Variants in RIT2 observed in about 807,000 individuals in gnomAD.
RIT2 encodes Ras like without CAAX 2, also known as GTP-binding protein Rit2.
RIT2 carries 24 observed loss-of-function variants against 23.7 expected under a neutral mutation model. That is an observed-to-expected ratio of 1.01 (90% CI 0.73 to 1.43). The LOEUF is 1.43. Among genes scored for constraint, RIT2 ranks in the 40% most tolerant of loss-of-function variants. RIT2 has a pLI of 0.00. For synonymous variants in RIT2, 107 were observed against 91.1 expected (o/e 1.17, Z -0.99); for missense variants, 236 against 266.9 (o/e 0.88, Z 0.81).
At chr18:42,932,700 T>C (rs1230385033) in intron 3 of RIT2, among the ~76,000 whole-genome samples, 1 of 152,060 alleles carries the variant, frequency 6.6e-6, no homozygotes, top group East Asian at 1.9e-4. Flanking sequence ...CCCAGAAAGG[T>C]AGTGATGATA....
At chr18:42,973,306 CTTTT>C (rs903045478) in intron 3 of RIT2, among the ~76,000 whole-genome samples, 2 of 151,624 alleles carry the variant, frequency 1.3e-5, no homozygotes, top group Non-Finnish European at 3.0e-5. Context: ...TTTATGCTTT[CTTTT>C]TTGTCTTATA....
At chr18:42,758,596 C>T (rs1029012478) in intron 4 of RIT2, among the ~76,000 whole-genome samples, 16 of 151,872 alleles carry the variant, frequency 1.1e-4, no homozygotes, top group African/African-American at 3.6e-4. Context: ...TCACTGCTAC[C>T]TCTGCCTCCC....
intron 3 of RIT2, among the ~76,000 whole-genome samples, chr18:42,956,979 A>G (rs141920523): frequency 1.3e-5 from 2 of 152,294 alleles, no homozygotes; most frequent in East Asian, 3.9e-4. Context: ...TTTACTGATA[A>G]TTCAGGCAAA....
intron 1 of RIT2, among the ~76,000 whole-genome samples, chr18:43,063,258 A>G (rs1912693623): frequency 6.6e-6 from 1 of 152,122 alleles, no homozygotes; most frequent in South Asian, 2.1e-4. Flanking sequence ...AACAAGATTC[A>G]CCATACCTGT....
intron 1 of RIT2, among the ~76,000 whole-genome samples, chr18:43,097,864 C>G (rs971856778): frequency 6.6e-6 from 1 of 151,850 alleles, no homozygotes; most frequent in African/African-American, 2.4e-5. Flanking sequence ...GGAAGACCAT[C>G]CATCACTTTC....
At chr18:43,064,324 G>T (rs1568071552) in intron 1 of RIT2, among the ~76,000 whole-genome samples, 2 of 152,152 alleles carry the variant, frequency 1.3e-5, no homozygotes, top group Non-Finnish European at 2.9e-5. Context: ...TTAGAGTAAT[G>T]CATAGCCTTT....
chr18:42,810,719 G>A lies in RIT2; in HGVS notation c.427-66999C>T, dbSNP rs548778225. ...GAAATTTTCTTGGCTTTCTTCAAGAGGAGAATAGGTGCTAAATTTCAGAGT... is the reference window on the plus strand; with the variant it reads ...GAAATTTTCTTGGCTTTCTTCAAGAAGAGAATAGGTGCTAAATTTCAGAGT... On this transcript the variant is annotated intron_variant, in intron 4 of 4. Coordinates refer to ENST00000326695, the MANE Select transcript of RIT2 (RefSeq NM_002930.4). Among the ~76,000 whole-genome samples the A allele has an allele frequency of 2.2e-4, 33 of 152,046 alleles. 1 individual carries two copies. In the South Asian group the frequency reaches 6.6e-3, roughly 31 times the overall value.
chr18:42,883,543 C>T (rs2144082790), intron 4 of RIT2, among the ~76,000 whole-genome samples: 1 of 152,080 alleles, frequency 6.6e-6, no homozygotes, highest in African/African-American at 2.4e-5. Flanking sequence ...TTTCAGATTT[C>T]CTTTTGCTTC....
chr18:43,040,735 C>A (rs1038965193), intron 1 of RIT2, among the ~76,000 whole-genome samples: 16 of 151,912 alleles, frequency 1.1e-4, no homozygotes, highest in Admixed American at 9.8e-4. Context: ...GAACACATAG[C>A]AGGCTTCAGC....
intron 4 of RIT2, among the ~76,000 whole-genome samples, chr18:42,830,176 A>C (rs776835550): frequency 1.3e-5 from 2 of 152,174 alleles, no homozygotes; most frequent in Non-Finnish European, 2.9e-5. Context: ...TACACACTGA[A>C]CTATCACTTC....
chr18:43,035,480 T>C (rs992090295), intron 1 of RIT2, among the ~76,000 whole-genome samples: 2 of 152,164 alleles, frequency 1.3e-5, no homozygotes, highest in East Asian at 1.9e-4. Context: ...AGTTAGTTCC[T>C]GAACTTCAGT....
chr18:42,789,398 T>A (rs935788108), intron 4 of RIT2, among the ~76,000 whole-genome samples: 1 of 152,224 alleles, frequency 6.6e-6, no homozygotes, highest in Non-Finnish European at 1.5e-5. Context: ...TTCCTTTGCA[T>A]TGAATCTGTA....
intron 4 of RIT2, among the ~76,000 whole-genome samples, chr18:42,876,061 C>CA (rs370856719): frequency 1.9e-4 from 29 of 148,780 alleles, no homozygotes; most frequent in Non-Finnish European, 3.6e-4. Context: ...CTCATAAATC[C>CA]AAAAAAAAAG....
intron 4 of RIT2, among the ~76,000 whole-genome samples, chr18:42,832,676 A>C (rs1011059745): frequency 1.3e-4 from 20 of 152,196 alleles, no homozygotes; most frequent in African/African-American, 3.9e-4. Flanking sequence ...AAAACATTTC[A>C]AATTTTCTCT....
chr18:43,048,483 G>A lies in RIT2; in HGVS notation c.104-14616C>T, dbSNP rs547082603. Among the ~76,000 whole-genome samples, 4 of 152,236 alleles carry A rather than the reference G, an allele frequency of 2.6e-5. No homozygotes were observed. The South Asian group carries it at 8.3e-4, about 32-fold the overall frequency. ...ATTTACACATTATGTGGCTTTAGGAGAGTTATTAAGCAATTAGTTCTCTTT... is the reference window on the plus strand; with the variant it reads ...ATTTACACATTATGTGGCTTTAGGAAAGTTATTAAGCAATTAGTTCTCTTT... On this transcript the variant is annotated intron_variant, in intron 1 of 4. Transcript: ENST00000326695.
At chr18:42,973,762 GA>G (rs1910414859) in intron 3 of RIT2, among the ~76,000 whole-genome samples, 1 of 151,620 alleles carries the variant, frequency 6.6e-6, no homozygotes, top group Admixed American at 6.6e-5. Flanking sequence ...TTCTCTAATA[GA>G]AATTATCACA....
Position 42,864,635 on chromosome 18 carries a change from A to G in RIT2, c.426+58937T>C, listed in dbSNP as rs1211783356. Among the ~76,000 whole-genome samples, 4 of 152,186 alleles carry G rather than the reference A, an allele frequency of 2.6e-5. No homozygotes were observed. In the East Asian group the frequency reaches 5.8e-4, roughly 22 times the overall value. On this transcript the variant is annotated intron_variant, in intron 4 of 4. Transcript: ENST00000326695. ...AGTTTTTAGGGAGAAATTCTGTGCT[A>G]TTTACACCATGCCACTCAATCTGTT...
At chr18:42,816,560 C>T (rs1236054436) in intron 4 of RIT2, among the ~76,000 whole-genome samples, 1 of 152,062 alleles carries the variant, frequency 6.6e-6, no homozygotes, top group Non-Finnish European at 1.5e-5. Flanking sequence ...ATTCTTGGAG[C>T]CTCAGGTTTT....
chr18:42,825,513 A>G (rs1906270651), intron 4 of RIT2, among the ~76,000 whole-genome samples: 1 of 151,898 alleles, frequency 6.6e-6, no homozygotes, highest in African/African-American at 2.4e-5. Flanking sequence ...GAGTACTAAA[A>G]CATATTTGAT....
Sources: gnomAD v4.1 joint callset for allele counts (sites outside exome capture counted in the v4.1 genomes callset) on GRCh38, gnomAD v4.1.1 for gene constraint, MANE v1.5 for transcripts, NCBI Gene and HGNC (gene_info 2026-07-23, HGNC 2026-07-21) for gene names.